The following SAMD3 variants were observed in gnomAD, a reference collection of about 807,000 sequenced individuals.
The protein encoded by SAMD3 is sterile alpha motif domain containing 3.
A neutral mutation model predicts 58.5 loss-of-function variants in SAMD3; 63 were observed. That is an observed-to-expected ratio of 1.08 (90% CI 0.88 to 1.33). The LOEUF is 1.33. Ranked by LOEUF, SAMD3 falls within the 40% of genes most tolerant of loss-of-function variation. SAMD3 has a pLI of 0.00. For missense variants in SAMD3, 604 were observed against 608.4 expected (o/e 0.99, Z 0.08); for synonymous variants, 220 against 210.3 (o/e 1.05, Z -0.40).
chr6:130,276,107 C>T (rs1774766571), intron 2 of SAMD3, among the ~76,000 whole-genome samples: 1 of 151,932 alleles, frequency 6.6e-6, no homozygotes, highest in African/African-American at 2.4e-5. Context: ...AAGACAGAAA[C>T]AGGAGTTGGA....
At chr6:130,169,573 A>G (rs1201989675) in intron 8 of SAMD3, among the ~76,000 whole-genome samples, 1 of 152,144 alleles carries the variant, frequency 6.6e-6, no homozygotes, top group African/African-American at 2.4e-5. Context: ...TTCCATTACC[A>G]TTTAACTGCT....
At chr6:130,166,488 G>A (rs1429161022) in intron 8 of SAMD3, among the ~76,000 whole-genome samples, 1 of 152,130 alleles carries the variant, frequency 6.6e-6, no homozygotes, top group African/African-American at 2.4e-5. Flanking sequence ...CACTTTTATT[G>A]TATATTAAGT....
chr6:130,266,492 C>T (rs1340206368), intron 2 of SAMD3, among the ~76,000 whole-genome samples: 3 of 152,150 alleles, frequency 2.0e-5, no homozygotes, highest in Admixed American at 2.0e-4. Context: ...CTTCACCCTT[C>T]CTGTAGGAAG....
chr6:130,331,714 A>G (rs1776940636), intron 1 of SAMD3, among the ~76,000 whole-genome samples: 1 of 152,204 alleles, frequency 6.6e-6, no homozygotes, highest in South Asian at 2.1e-4. Flanking sequence ...GTGAGACTCC[A>G]TCTCAAAAAA....
intron 2 of SAMD3, among the ~76,000 whole-genome samples, chr6:130,249,600 G>C (rs1233237507): frequency 6.6e-6 from 1 of 152,098 alleles, no homozygotes; most frequent in Non-Finnish European, 1.5e-5. Context: ...AAAGTAAGAA[G>C]CCAATAGAAG....
intron 6 of SAMD3, 42 bp from the exon 7 acceptor site, chr6:130,184,229 A>G: frequency 6.7e-7 from 1 of 1,485,850 alleles, no homozygotes; most frequent in Non-Finnish European, 9.3e-7. Context: ...CTTCAAGCAA[A>G]CCACATTCCT....
rs9385534 is a variant in SAMD3, at chr6:130,154,722, T to A, written c.1023+103A>T. On this transcript the variant is annotated intron_variant, in intron 9 of 11. Coordinates refer to ENST00000439090, the MANE Select transcript of SAMD3 (RefSeq NM_001017373.4). ...AAAAAAAAAAAAAAAAAAAAAAATA[T>A]ATATATATATATATATATATGTATG... 1,043 of 114,034 alleles carry A rather than the reference T, an allele frequency of 9.1e-3. 10 individuals are homozygous for A. Among genetic ancestry groups the A allele is most frequent in the African/African-American group, 0.013 (306 of 23,140 alleles). The allele number at this position is 114,034 out of a possible 1,614,324, so 7.1% of individuals were successfully genotyped here.
At chr6:130,244,737 CA>C (rs869081527) in intron 2 of SAMD3, among the ~76,000 whole-genome samples, 13 of 118,800 alleles carry the variant, frequency 1.1e-4, no homozygotes, top group Admixed American at 3.4e-4. Context: ...GAGCCTGTCT[CA>C]AAAAAAAAAT....
intron 2 of SAMD3, among the ~76,000 whole-genome samples, chr6:130,291,242 C>G (rs996034810): frequency 6.6e-6 from 1 of 152,104 alleles, no homozygotes; most frequent in African/African-American, 2.4e-5. Flanking sequence ...AGGCACCTGC[C>G]ACCACACCTG....
intron 5 of SAMD3, among the ~76,000 whole-genome samples, chr6:130,207,159 CAA>C (rs376844642): frequency 2.1e-4 from 11 of 52,702 alleles, no homozygotes; most frequent in African/African-American, 2.3e-4. Flanking sequence ...CCCATCTCAT[CAA>C]AAAAAAAAAA....
At position 130,339,377 on chromosome 6, in the gene SAMD3, A is replaced by G. The variant is rs1278486925; in HGVS notation, c.-304+25743T>C. Among the ~76,000 whole-genome samples, 4 of 152,130 alleles carry G rather than the reference A, an allele frequency of 2.6e-5. No homozygotes were observed. In the East Asian group the frequency reaches 7.7e-4, roughly 29 times the overall value. Reference sequence around the variant, plus strand: ...TCTCATCTTAAATTGTAATTCCCATACATCCTACATGTCAAGGGAGGGACC... The same window carrying G: ...TCTCATCTTAAATTGTAATTCCCATGCATCCTACATGTCAAGGGAGGGACC... On this transcript the variant is annotated intron_variant, in intron 1 of 13. Coordinates refer to the SAMD3 transcript ENST00000368134.
chr6:130,169,304 CAG>C (rs1791018713), intron 8 of SAMD3, among the ~76,000 whole-genome samples: 1 of 152,050 alleles, frequency 6.6e-6, no homozygotes, highest in Non-Finnish European at 1.5e-5. Context: ...AATACAGAAA[CAG>C]AGTGTTTCTG....
intron 2 of SAMD3, among the ~76,000 whole-genome samples, chr6:130,280,676 A>C (rs535921919): frequency 6.6e-6 from 1 of 152,372 alleles, no homozygotes; most frequent in South Asian, 2.1e-4. Flanking sequence ...ATGTACACAT[A>C]GAATCCCATA....
chr6:130,363,789 C>T (rs1778053560), intron 1 of SAMD3, among the ~76,000 whole-genome samples: 1 of 152,152 alleles, frequency 6.6e-6, no homozygotes, highest in Non-Finnish European at 1.5e-5. Context: ...TTACATATCT[C>T]ATATAGACAC....
chr6:130,341,524 A>G (rs552363343), intron 1 of SAMD3, among the ~76,000 whole-genome samples: 1 of 152,336 alleles, frequency 6.6e-6, no homozygotes, highest in South Asian at 2.1e-4. Context: ...TAAAACTTCA[A>G]TAATATTTAA....
At chr6:130,339,348 C>T (rs917574602) in intron 1 of SAMD3, among the ~76,000 whole-genome samples, 8 of 152,030 alleles carry the variant, frequency 5.3e-5, no homozygotes, top group African/African-American at 1.2e-4. Context: ...CTCCCAGCCC[C>T]GAATCTCATC....
intron 8 of SAMD3, among the ~76,000 whole-genome samples, chr6:130,169,416 G>A (rs563815250): frequency 2.0e-5 from 3 of 152,238 alleles, no homozygotes; most frequent in East Asian, 1.9e-4. Context: ...AAGAATCAGC[G>A]ATTTGCACTA....
intron 2 of SAMD3, among the ~76,000 whole-genome samples, chr6:130,308,658 C>G (rs1041563433): frequency 6.6e-6 from 1 of 151,930 alleles, no homozygotes; most frequent in African/African-American, 2.4e-5. Flanking sequence ...TGCCTCAAAT[C>G]AAGGGGAAAA....
intron 2 of SAMD3, among the ~76,000 whole-genome samples, chr6:130,258,523 T>C (rs568747098): frequency 6.6e-6 from 1 of 152,200 alleles, no homozygotes; most frequent in African/African-American, 2.4e-5. Flanking sequence ...CGGACACACA[T>C]ATTTAAAGTG....
Sources: gnomAD v4.1 joint callset for allele counts (sites outside exome capture counted in the v4.1 genomes callset) on GRCh38, gnomAD v4.1.1 for gene constraint, MANE v1.5 for transcripts, NCBI Gene and HGNC (gene_info 2026-07-23, HGNC 2026-07-21) for gene names.